Variants in SLIT3 observed in about 807,000 individuals in gnomAD.
SLIT3 encodes the protein slit guidance ligand 3.
SLIT3 carries 68 observed loss-of-function variants against 184.0 expected under a neutral mutation model. That is an observed-to-expected ratio of 0.37 (90% CI 0.30 to 0.45). The LOEUF (loss-of-function observed/expected upper bound fraction) is 0.45, where lower values mean the gene tolerates loss of function less well. SLIT3 is among the 20% of genes least tolerant of loss of function. The pLI is 1.00. For synonymous variants in SLIT3, 831 were observed against 828.6 expected (o/e 1.00, Z -0.05); for missense variants, 1,707 against 2,026.0 (o/e 0.84, Z 3.02).
At position 168,666,650 on chromosome 5, in the gene SLIT3, C is replaced by A; in HGVS notation, c.4376G>T (p.Arg1459Leu). Residue 1459 changes from arginine (R) to leucine (L), a missense_variant, in exon 36 of 36, where the codon CGC (arginine) becomes CTC (leucine). Coordinates refer to ENST00000519560, the MANE Select transcript of SLIT3 (RefSeq NM_003062.4). ...CLGQVVREVI[R>L]RQKGYASCAT... ...ACATGATGCATAACCTTTCTGGCGG[C>A]GGATCACCTCTCGGACTACTTGTCC... The A allele has an allele frequency of 6.2e-7, 1 of 1,614,178 alleles. No individual in the cohort carries two copies.
intron 4 of SLIT3, among the ~76,000 whole-genome samples, chr5:168,895,912 G>A (rs1194865528): frequency 6.6e-6 from 1 of 152,250 alleles, no homozygotes; most frequent in Non-Finnish European, 1.5e-5. Context: ...AGCACTGGGA[G>A]GACCCAATGA....
intron 4 of SLIT3, among the ~76,000 whole-genome samples, chr5:169,145,977 G>A (rs1761910777): frequency 6.6e-6 from 1 of 152,132 alleles, no homozygotes; most frequent in Non-Finnish European, 1.5e-5. Flanking sequence ...CTTAAACCCA[G>A]GAGGTGGAGG....
chr5:168,982,412 A>T (rs1031414041), intron 4 of SLIT3, among the ~76,000 whole-genome samples: 1 of 152,198 alleles, frequency 6.6e-6, no homozygotes, highest in Non-Finnish European at 1.5e-5. Flanking sequence ...GAACAACAAG[A>T]AGGTTCTCAC....
rs1348426224 is a variant in SLIT3 at position 169,081,077 on chromosome 5, C to G, written c.413+112402G>C. On this transcript the variant is annotated intron_variant, in intron 4 of 35. Transcript: ENST00000519560. ...CTCCAGCTCCAGGACTTGTTTATGG[C>G]CTGGGGGAACAGGGAAGGACAGGAG... Among the ~76,000 whole-genome samples, 3 of 152,256 alleles carry G rather than the reference C, an allele frequency of 2.0e-5. No individual in the cohort carries two copies. In the South Asian group the frequency reaches 6.2e-4, roughly 32 times the overall value.
chr5:168,883,213 A>C, intron 5 of SLIT3, 52 bp downstream of exon 5: 2 of 1,469,366 alleles, frequency 1.4e-6, no homozygotes, highest in Non-Finnish European at 1.9e-6. Context: ...CACTCTGGTC[A>C]GAGAGCCCAA....
intron 4 of SLIT3, among the ~76,000 whole-genome samples, chr5:168,906,781 T>G (rs1761068461): frequency 6.6e-6 from 1 of 152,224 alleles, no homozygotes; most frequent in Admixed American, 6.5e-5. Context: ...AAGTTGAAAT[T>G]CAGGGAATGA....
At chr5:168,808,643 C>T (rs1351722154) in intron 8 of SLIT3, among the ~76,000 whole-genome samples, 3 of 152,018 alleles carry the variant, frequency 2.0e-5, no homozygotes, top group Non-Finnish European at 4.4e-5. Context: ...TTTTTTGGTG[C>T]CATGTCAGTG....
Position 168,666,328 on chromosome 5 carries a change from T to G in SLIT3, c.*126A>C, listed in dbSNP as rs1761040195. 1.1e-6 allele frequency: 1 copy of G among 877,432 alleles called. No individual in the cohort carries two copies. The highest frequency in any genetic ancestry group is 1.6e-6 in the Non-Finnish European group (1 of 612,600). 54.4% of individuals were successfully genotyped at this position (877,432 alleles called of 1,614,324 possible). On this transcript the variant is annotated 3_prime_UTR_variant, in exon 36 of 36. Coordinates refer to ENST00000519560, the MANE Select transcript of SLIT3 (RefSeq NM_003062.4). ...TGTTTATTTTACAATATACTTAATA[T>G]TCTCTTCTTCTTTACCTTCCTCTCC...
chr5:168,875,114 A>G (rs892651384), intron 5 of SLIT3, among the ~76,000 whole-genome samples: 10 of 147,896 alleles, frequency 6.8e-5, no homozygotes, highest in East Asian at 2.1e-4. Context: ...CGGGGGAGAA[A>G]AGGAGGGAGG....
At chr5:168,674,371 G>A (rs774894863) in intron 32 of SLIT3, among the ~76,000 whole-genome samples, 3 of 152,108 alleles carry the variant, frequency 2.0e-5, no homozygotes, top group African/African-American at 4.8e-5. Flanking sequence ...CATGATGCTT[G>A]AAGGAAATGC....
intron 4 of SLIT3, among the ~76,000 whole-genome samples, chr5:169,164,263 G>A (rs78575101): frequency 0.011 from 1,614 of 152,248 alleles, 16 homozygotes; most frequent in Middle Eastern, 0.017. Context: ...GAGGGAAAAT[G>A]GGATCTTAAA....
chr5:169,070,807 A>C (rs1758517028), intron 4 of SLIT3, among the ~76,000 whole-genome samples: 1 of 152,062 alleles, frequency 6.6e-6, no homozygotes, highest in Non-Finnish European at 1.5e-5. Context: ...CAAAAAAAAA[A>C]AAAAAAAAGA....
intron 4 of SLIT3, among the ~76,000 whole-genome samples, chr5:169,178,843 G>C (rs989786924): frequency 6.6e-6 from 1 of 152,092 alleles, no homozygotes; most frequent in Non-Finnish European, 1.5e-5. Flanking sequence ...ATGAAGTCAG[G>C]TTGTTCCTAA....
At chr5:169,085,043 C>T (rs1042080539) in intron 4 of SLIT3, among the ~76,000 whole-genome samples, 7 of 152,228 alleles carry the variant, frequency 4.6e-5, no homozygotes, top group African/African-American at 1.2e-4. Flanking sequence ...AGCAGCAACA[C>T]GTGGAGGAGA....
intron 4 of SLIT3, among the ~76,000 whole-genome samples, chr5:169,170,148 GACACCC>G (rs1209768954): frequency 6.6e-6 from 1 of 152,204 alleles, no homozygotes; most frequent in African/African-American, 2.4e-5. Context: ...TGATCACACT[GACACCC>G]ACATTTGAAC....
chr5:168,766,689 T>C (rs1249584113), intron 14 of SLIT3, among the ~76,000 whole-genome samples: 1 of 152,230 alleles, frequency 6.6e-6, no homozygotes, highest in Non-Finnish European at 1.5e-5. Context: ...CCCAGAGGCC[T>C]GGTCCCTGCC....
intron 2 of SLIT3, 95 bp downstream of exon 2, chr5:169,251,293 G>A: frequency 1.2e-6 from 1 of 841,018 alleles, no homozygotes; most frequent in East Asian, 2.4e-5. Context: ...TGTTGTCCAG[G>A]GCTTGGGAGT....
At chr5:168,815,499 T>C (rs1757308955) in intron 8 of SLIT3, among the ~76,000 whole-genome samples, 1 of 152,240 alleles carries the variant, frequency 6.6e-6, no homozygotes, top group Admixed American at 6.5e-5. Flanking sequence ...ATGCCGATAT[T>C]GTACCCTTTG....
intron 29 of SLIT3, among the ~76,000 whole-genome samples, chr5:168,691,116 C>T (rs1761893304): frequency 6.6e-6 from 1 of 152,284 alleles, no homozygotes; most frequent in Non-Finnish European, 1.5e-5. Flanking sequence ...TAAATATTTG[C>T]TCAGTGTCAA....
Sources: allele counts gnomAD v4.1 joint callset (sites outside exome capture counted in the v4.1 genomes callset), GRCh38; gene constraint gnomAD v4.1.1; transcripts MANE v1.5; gene names NCBI Gene and HGNC (gene_info 2026-07-23, HGNC 2026-07-21).